SLC4A10: variants seen among roughly 807,000 people sequenced by gnomAD.
SLC4A10 encodes sodium-driven chloride bicarbonate exchanger.
In SLC4A10, 42 loss-of-function variants were observed where a neutral mutation model predicts 137.7. The ratio of observed to expected loss-of-function variants is 0.30; its 90% CI spans 0.24 to 0.39. The LOEUF is 0.39. Among genes scored for constraint, SLC4A10 ranks in the 10% least tolerant of loss-of-function variants. The probability of loss-of-function intolerance (pLI) is 1.00; values close to 1 mark genes in which losing one functional copy is unlikely to be tolerated. For synonymous variants in SLC4A10, 474 were observed against 464.1 expected, an observed-to-expected ratio of 1.02 and a Z score of -0.27; for missense variants, 925 against 1,355.0, an observed-to-expected ratio of 0.68 and a Z score of 4.98.
At chr2:161,859,724 C>T (rs1258170278) in intron 5 of SLC4A10, among the ~76,000 whole-genome samples, 2 of 151,382 alleles carry the variant, frequency 1.3e-5, no homozygotes, top group African/African-American at 4.9e-5. Flanking sequence ...CCTCAACCTC[C>T]CGAGTCGCTG....
intron 10 of SLC4A10, among the ~76,000 whole-genome samples, chr2:161,888,563 T>C (rs2062565875): frequency 6.6e-6 from 1 of 152,188 alleles, no homozygotes; most frequent in African/African-American, 2.4e-5. Flanking sequence ...CAATTGTGAA[T>C]GGGAGTTCAC....
intron 15 of SLC4A10, among the ~76,000 whole-genome samples, chr2:161,933,588 T>G (rs59699314): frequency 0.067 from 10,198 of 152,116 alleles, 446 homozygotes; most frequent in East Asian, 0.13. Flanking sequence ...GAGACAACAT[T>G]CTTGCTATGT....
chr2:161,942,921 G>T (rs772604973), intron 16 of SLC4A10, 24 bp downstream of exon 16: 3 of 1,539,374 alleles, frequency 1.9e-6, no homozygotes, highest in Non-Finnish European at 2.6e-6. Context: ...TGAAAAATAA[G>T]TCATACCTAA....
intron 1 of SLC4A10, among the ~76,000 whole-genome samples, chr2:161,767,162 T>C (rs1320715508): frequency 5.8e-5 from 6 of 104,152 alleles, no homozygotes; most frequent in Non-Finnish European, 1.2e-4. Flanking sequence ...TGTGTGTGTG[T>C]GTTTTATTTA....
intron 22 of SLC4A10, among the ~76,000 whole-genome samples, 187 bp from the exon 23 acceptor site, chr2:161,964,864 G>A (rs150202067): frequency 2.9e-3 from 447 of 152,130 alleles, no homozygotes; most frequent in Non-Finnish European, 5.2e-3. Context: ...CATTATTGTG[G>A]TGATGTAGTA....
intron 23 of SLC4A10, among the ~76,000 whole-genome samples, chr2:161,967,591 C>G (rs537417568): frequency 6.6e-6 from 1 of 152,132 alleles, no homozygotes; most frequent in Non-Finnish European, 1.5e-5. Context: ...TTAATCCACC[C>G]CTACTATGGC....
chr2:161,829,062 T>TACATGCA, intron 3 of SLC4A10, among the ~76,000 whole-genome samples: 2 of 151,784 alleles, frequency 1.3e-5, no homozygotes, highest in African/African-American at 4.8e-5. Context: ...GTCAAAAATA[T>TACATGCA]TATGTCCTTA....
At chr2:161,632,843 A>G (rs921936314) in intron 1 of SLC4A10, among the ~76,000 whole-genome samples, 5 of 151,704 alleles carry the variant, frequency 3.3e-5, no homozygotes, top group Non-Finnish European at 7.4e-5. Context: ...AAAAATCATC[A>G]TATATTTTTA....
intron 5 of SLC4A10, among the ~76,000 whole-genome samples, chr2:161,857,445 A>G (rs2060167740): frequency 6.6e-6 from 1 of 152,202 alleles, no homozygotes; most frequent in Non-Finnish European, 1.5e-5. Flanking sequence ...TTTAATGCTA[A>G]CATCACAAAG....
intron 6 of SLC4A10, among the ~76,000 whole-genome samples, chr2:161,866,100 A>G (rs2060726877): frequency 6.6e-6 from 1 of 152,012 alleles, no homozygotes; most frequent in South Asian, 2.1e-4. Flanking sequence ...ATGTGCTAAA[A>G]TTATCTCAAA....
intron 15 of SLC4A10, among the ~76,000 whole-genome samples, chr2:161,934,822 T>C (rs1691275542): frequency 6.6e-6 from 1 of 152,200 alleles, no homozygotes; most frequent in Non-Finnish European, 1.5e-5. Flanking sequence ...GTTCCTCGTA[T>C]ATTTTAAACA....
At chr2:161,796,607 G>A (rs527896844) in intron 2 of SLC4A10, among the ~76,000 whole-genome samples, 1 of 152,286 alleles carries the variant, frequency 6.6e-6, no homozygotes, top group East Asian at 1.9e-4. Flanking sequence ...ACTCTTGTTG[G>A]AACAAGCTGC....
chr2:161,842,732 CA>C (rs1559371494), intron 4 of SLC4A10, among the ~76,000 whole-genome samples: 1 of 152,112 alleles, frequency 6.6e-6, no homozygotes, highest in African/African-American at 2.4e-5. Flanking sequence ...CCAACTGCAT[CA>C]AAAACTACGT....
chr2:161,932,154 A>G (rs1200983888), intron 15 of SLC4A10, among the ~76,000 whole-genome samples: 3 of 152,174 alleles, frequency 2.0e-5, no homozygotes, highest in Admixed American at 2.0e-4. Flanking sequence ...GAATCTTCTC[A>G]TTAAGGGAGC....
intron 13 of SLC4A10, 53 bp downstream of exon 13, chr2:161,904,231 C>T (rs942995601): frequency 1.0e-4 from 154 of 1,512,776 alleles, no homozygotes; most frequent in Admixed American, 8.4e-5. Context: ...TTTTAAGATT[C>T]ATAGTTAGAT....
chr2:161,664,001 A>G (rs2038752077), intron 1 of SLC4A10, among the ~76,000 whole-genome samples: 1 of 151,936 alleles, frequency 6.6e-6, no homozygotes, highest in African/African-American at 2.4e-5. Context: ...GATGCTGGGG[A>G]GCATTTCTCA....
chr2:161,711,151 A>C (rs1231136602), intron 1 of SLC4A10, among the ~76,000 whole-genome samples: 1 of 151,818 alleles, frequency 6.6e-6, no homozygotes, highest in African/African-American at 2.4e-5. Context: ...GGCTTTATAA[A>C]CTGTGAATCA....
At chr2:161,796,813 C>G (rs1013960935) in intron 2 of SLC4A10, among the ~76,000 whole-genome samples, 1 of 152,094 alleles carries the variant, frequency 6.6e-6, no homozygotes, top group African/African-American at 2.4e-5. Context: ...TCCAGGCAAG[C>G]CTTTCTGTTC....
chr2:161,694,658 T>C (rs2042316320), intron 1 of SLC4A10, among the ~76,000 whole-genome samples: 1 of 152,028 alleles, frequency 6.6e-6, no homozygotes, highest in Non-Finnish European at 1.5e-5. Flanking sequence ...ATAATTCAGA[T>C]TCTTGTTTGA....
Sources: allele counts gnomAD v4.1 joint callset (sites outside exome capture counted in the v4.1 genomes callset), GRCh38; gene constraint gnomAD v4.1.1; transcripts MANE v1.5; gene names NCBI Gene and HGNC (gene_info 2026-07-23, HGNC 2026-07-21).